The following TREML1 variants were observed in gnomAD, a reference collection of about 807,000 sequenced individuals.
TREML1 encodes triggering receptor expressed on myeloid cells like 1, also known as trem-like transcript 1 protein.
Under a neutral mutation model 22.8 loss-of-function variants are expected in TREML1, and 27 were observed. That is an observed-to-expected ratio of 1.19 (90% CI 0.87 to 1.64). The LOEUF (loss-of-function observed/expected upper bound fraction) is 1.64. TREML1 is among the 40% of genes most tolerant of loss of function. The probability of loss-of-function intolerance (pLI) is 0.00; values close to 1 mark genes in which losing one functional copy is unlikely to be tolerated. For missense variants in TREML1, 356 were observed against 382.0 expected (o/e 0.93, Z 0.57); for synonymous variants, 153 against 161.9 (o/e 0.94, Z 0.42).
Position 41,153,645 on chromosome 6 carries a change from T to G in TREML1, c.376+113A>C, listed in dbSNP as rs1369750031. On this transcript the variant is annotated intron_variant, in intron 2 of 5. Transcript: ENST00000426005. ...CAGAGCTGTCAAGAGGATATCTCCT[T>G]GGAATGCCTCCTCCCCAGGGGCCCC... The G allele has an allele frequency of 2.9e-6, 3 of 1,041,452 alleles. No individual in the cohort carries two copies. In the African/African-American group the frequency reaches 4.8e-5, roughly 17 times the overall value. 64.5% of individuals were successfully genotyped at this position (1,041,452 alleles called of 1,614,324 possible). A position where few individuals can be genotyped will look rare whatever the true frequency, so the allele number is the denominator to read the frequency against.
intron 2 of TREML1, among the ~76,000 whole-genome samples, chr6:41,153,378 A>C (rs1765322792): frequency 6.6e-6 from 1 of 151,334 alleles, no homozygotes; most frequent in Non-Finnish European, 1.5e-5. Flanking sequence ...GGAATAAAAC[A>C]CTGGAAGCTA....
intron 2 of TREML1, 83 bp downstream of exon 2, chr6:41,153,675 C>T (rs1482341492): frequency 1.4e-6 from 2 of 1,424,532 alleles, no homozygotes; most frequent in Non-Finnish European, 1.9e-6. Flanking sequence ...GGCCCCCACT[C>T]CTCAAGAACC....
At chr6:41,154,544 G>A (rs1379722878), upstream of TREML1, among the ~76,000 whole-genome samples, 2 of 152,192 alleles carry the variant, frequency 1.3e-5, no homozygotes, top group Non-Finnish European at 2.9e-5. Context: ...GCTGGGGCCC[G>A]GCTAAGGGGT....
At position 41,150,253 on chromosome 6, in the gene TREML1, C is replaced by T; in HGVS notation, c.621+8G>A. The T allele has an allele frequency of 6.2e-7, 1 of 1,613,850 alleles. No homozygotes were observed. On this transcript the variant is annotated splice_region_variant and intron_variant, in intron 5 of 5. Transcript: ENST00000426005. ...GAATTTGGCTGTGGGCCTGCAGAGGCCTCTTACCATGCCTGAAACTCTGCT... is the reference window on the plus strand; with the variant it reads ...GAATTTGGCTGTGGGCCTGCAGAGGTCTCTTACCATGCCTGAAACTCTGCT...
chr6:41,154,764 C>CA (rs1309691441), upstream of TREML1, among the ~76,000 whole-genome samples: 3 of 152,200 alleles, frequency 2.0e-5, no homozygotes, highest in Admixed American at 1.3e-4. Flanking sequence ...AGTACAACCT[C>CA]AAACAGGAAG....
At chr6:41,153,414 C>T (rs1013013772) in intron 2 of TREML1, among the ~76,000 whole-genome samples, 2 of 151,714 alleles carry the variant, frequency 1.3e-5, no homozygotes, top group African/African-American at 4.9e-5. Context: ...GTTTTATACA[C>T]TCAGATTCAA....
rs1765201160 is a variant in TREML1, at chr6:41,149,912, A to T, written c.628T>A (p.Ser210Thr). 6.2e-7 allele frequency: 1 copy of T among 1,611,282 alleles called. No homozygotes were observed. The highest frequency in any genetic ancestry group is 2.2e-5 in the East Asian group (1 of 44,832). The stretch of plus-strand genomic sequence containing the variant: ...TCACTGACGTGGTGGACCACTGAGG[A>T]GGGATTCTGTAACAAAAGCAGGCAA... ...LSSRVSGMNP[S>T]SVVHHVSDSG... The change falls in exon 6 of 6, where the codon TCC (serine) becomes ACC (threonine). Residue 210 changes from serine to threonine, a missense_variant. Coordinates refer to ENST00000426005, the MANE Select transcript of TREML1 (RefSeq NM_178174.4).
chr6:41,152,138 TTCCTAC>T (rs1230713231), intron 2 of TREML1, among the ~76,000 whole-genome samples: 1 of 152,172 alleles, frequency 6.6e-6, no homozygotes, highest in East Asian at 1.9e-4. Flanking sequence ...AGATTCACCA[TTCCTAC>T]TCCCCATCCT....
chr6:41,151,430 A>C, intron 2 of TREML1, 46 bp from the exon 3 acceptor site: 2 of 1,524,358 alleles, frequency 1.3e-6, no homozygotes, highest in South Asian at 1.1e-5. Context: ...TAATGAGTGC[A>C]TGCCCATATG....
chr6:41,150,785 A>G, intron 4 of TREML1, 34 bp downstream of exon 4: 1 of 1,588,108 alleles, frequency 6.3e-7, no homozygotes, highest in Non-Finnish European at 8.6e-7. Context: ...CTGGAATGGT[A>G]GGGCCAGGCT....
chr6:41,151,647 A>AACTTCCTGCTGCATT, intron 2 of TREML1: 1 of 479,912 alleles, frequency 2.1e-6, no homozygotes, highest in Non-Finnish European at 3.8e-6. Context: ...AGCTCCCCCC[A>AACTTCCTGCTGCATT]TCTTCCTGCT....
At chr6:41,152,063 C>T (rs1441124367) in intron 2 of TREML1, among the ~76,000 whole-genome samples, 4 of 152,202 alleles carry the variant, frequency 2.6e-5, no homozygotes, top group African/African-American at 4.8e-5. Context: ...GGCCTGGAGA[C>T]TTGTCTTAGG....
chr6:41,154,508 CCGAAGA>C (rs1765372058), upstream of TREML1, among the ~76,000 whole-genome samples: 1 of 152,012 alleles, frequency 6.6e-6, no homozygotes, highest in African/African-American at 2.4e-5. Context: ...ATGAGAAGAC[CCGAAGA>C]AAGCTAGAAG....
chr6:41,150,519 A>G (rs2113866006), intron 4 of TREML1, among the ~76,000 whole-genome samples: 1 of 151,654 alleles, frequency 6.6e-6, no homozygotes, highest in African/African-American at 2.4e-5. Context: ...GCTCCCTTCA[A>G]CCCACCTCAG....
chr6:41,153,293 A>G (rs1765318263), intron 2 of TREML1, among the ~76,000 whole-genome samples: 1 of 147,006 alleles, frequency 6.8e-6, no homozygotes, highest in South Asian at 2.3e-4. Flanking sequence ...GACATACTAG[A>G]TGGCCTGTGA....
chr6:41,154,091 C>T lies in TREML1; in HGVS notation c.44-1G>A, dbSNP rs1439814023. On this transcript the variant is annotated splice_acceptor_variant, in intron 1 of 5. Transcript: ENST00000426005. LOFTEE classifies it high-confidence loss of function. ...GGGAGGCTGCCAACTATGCCCTGAC[C>T]TGGGGAAGGAAAGGAGGTGGGAATT... 2.5e-6 allele frequency: 4 copies of T among 1,608,020 alleles called. No homozygotes were observed. The highest frequency in any genetic ancestry group is 2.2e-5 in the East Asian group (1 of 44,762).
At position 41,149,812 on chromosome 6, in the gene TREML1, G is replaced by GT; in HGVS notation, c.727dup (p.Thr243AsnfsTer9). 6.2e-7 allele frequency: 1 copy of GT among 1,614,124 alleles called. No individual in the cohort carries two copies. The highest frequency in any genetic ancestry group is 8.5e-7 in the Non-Finnish European group (1 of 1,180,028). ...ATCAAGAGGTAGGCTGGTGTAGGTG[G>GT]TATTGTCAAATGAAGGTGGTGAGTC... On this transcript the variant is annotated frameshift_variant, in exon 6 of 6. Transcript: ENST00000426005. LOFTEE classifies it low-confidence loss of function (END_TRUNC).
Position 41,149,847 on chromosome 6 carries a change from G to A in TREML1, c.693C>T (p.His231=), listed in dbSNP as rs1765197852. ...ATGAAGGTGGTGAGTCAAGCCTAAT[G>A]TGTGGTACATCCAAAGGCAATTCAG... The part of the protein sequence containing the change: ...PAAELPLDVP[H]IRLDSPPSFD... Residue 231 remains histidine, a synonymous_variant, in exon 6 of 6, where the codon CAC becomes CAT. Transcript: ENST00000426005. The A allele has an allele frequency of 3.1e-6, 5 of 1,614,198 alleles. No homozygotes were observed. Among genetic ancestry groups the A allele is most frequent in the Non-Finnish European group, 4.2e-6 (5 of 1,180,036 alleles).
chr6:41,150,230 A>G (rs1765208736), intron 5 of TREML1, 31 bp downstream of exon 5: 1 of 1,612,246 alleles, frequency 6.2e-7, no homozygotes, highest in African/African-American at 1.3e-5. Flanking sequence ...AGTCTGGGGA[A>G]TTTGGCTGTG....
Sources: gnomAD v4.1 joint callset for allele counts (sites outside exome capture counted in the v4.1 genomes callset) on GRCh38, gnomAD v4.1.1 for gene constraint, MANE v1.5 for transcripts, NCBI Gene and HGNC (gene_info 2026-07-23, HGNC 2026-07-21) for gene names.